TERF1: variants seen among roughly 807,000 people sequenced by gnomAD.
TERF1 encodes the protein telomeric repeat-binding factor 1.
In TERF1, 20 loss-of-function variants were observed where a neutral mutation model predicts 55.1. The ratio of observed to expected loss-of-function variants is 0.36; its 90% CI spans 0.26 to 0.53. The LOEUF (loss-of-function observed/expected upper bound fraction) is 0.53, where lower values mean the gene tolerates loss of function less well. Among genes scored for constraint, TERF1 ranks in the 20% least tolerant of loss-of-function variants. The probability of loss-of-function intolerance (pLI) is 0.91; values close to 1 mark genes in which losing one functional copy is unlikely to be tolerated. For missense variants in TERF1, 439 were observed against 535.7 expected (o/e 0.82, Z 1.78); for synonymous variants, 168 against 181.2 (o/e 0.93, Z 0.59).
At chr8:73,037,642 TAA>T (rs1338782026) in intron 8 of TERF1, among the ~76,000 whole-genome samples, 1 of 82,794 alleles carries the variant, frequency 1.2e-5, no homozygotes, top group African/African-American at 5.4e-5. Context: ...ATAACATATA[TAA>T]TATATATTAT....
intron 9 of TERF1, among the ~76,000 whole-genome samples, chr8:73,044,549 A>G (rs1349665410): frequency 6.6e-6 from 1 of 152,168 alleles, no homozygotes; most frequent in African/African-American, 2.4e-5. Flanking sequence ...TAAAGTACAC[A>G]TGATATAAAA....
intron 6 of TERF1, among the ~76,000 whole-genome samples, chr8:73,028,012 T>C (rs1288188011): frequency 6.6e-6 from 1 of 152,228 alleles, no homozygotes; most frequent in Non-Finnish European, 1.5e-5. Context: ...CACATTGATG[T>C]ACTTTTTTCT....
At chr8:73,020,617 A>C in intron 2 of TERF1, 67 bp from the exon 3 acceptor site, 1 of 1,398,108 alleles carries the variant, frequency 7.2e-7, no homozygotes. Context: ...AAAGGAATGC[A>C]TTATTAAAAA....
intron 6 of TERF1, among the ~76,000 whole-genome samples, chr8:73,028,224 C>T (rs1278202843): frequency 6.6e-6 from 1 of 152,024 alleles, no homozygotes; most frequent in African/African-American, 2.4e-5. Context: ...ATAGTGCTAC[C>T]CACTTATTTC....
intron 8 of TERF1, among the ~76,000 whole-genome samples, chr8:73,037,225 TATA>T (rs1461308553): frequency 5.9e-5 from 8 of 136,126 alleles, no homozygotes; most frequent in South Asian, 2.1e-4. Context: ...ATAATTATAA[TATA>T]ATAATTTATA....
intron 2 of TERF1, among the ~76,000 whole-genome samples, chr8:73,017,878 T>C (rs1403045324): frequency 2.6e-5 from 4 of 152,074 alleles, no homozygotes. Flanking sequence ...AATTTTTCTA[T>C]TATTAGTAGA....
At chr8:73,039,050 A>C in intron 8 of TERF1, 66 bp from the exon 9 acceptor site, 1 of 1,097,890 alleles carries the variant, frequency 9.1e-7, no homozygotes, top group Non-Finnish European at 1.3e-6. Flanking sequence ...ATAATCATTA[A>C]AAATATAATT....
intron 8 of TERF1, among the ~76,000 whole-genome samples, chr8:73,037,819 TAATATATAGTATAATAA>T (rs2129889031): frequency 9.6e-6 from 1 of 104,028 alleles, no homozygotes; most frequent in South Asian, 2.3e-4. Context: ...ATATTATATA[TAATATATAGTATAATAA>T]TATATATAAT....
intron 7 of TERF1, chr8:73,031,808 CA>C: frequency 3.1e-6 from 1 of 319,692 alleles, no homozygotes. Context: ...TCTGAGACAT[CA>C]AAAAACATCT....
At chr8:73,022,881 A>G (rs978665239) in intron 4 of TERF1, among the ~76,000 whole-genome samples, 3 of 152,184 alleles carry the variant, frequency 2.0e-5, no homozygotes, top group Non-Finnish European at 2.9e-5. Flanking sequence ...GCAGTGAGCT[A>G]TAACGCTGCC....
At chr8:73,045,414 G>T (rs1367403002) in intron 9 of TERF1, among the ~76,000 whole-genome samples, 1 of 152,094 alleles carries the variant, frequency 6.6e-6, no homozygotes, top group Non-Finnish European at 1.5e-5. Flanking sequence ...TATTAAATTT[G>T]ATTTTTAAAA....
Position 73,046,399 on chromosome 8 carries a change from A to G in TERF1, c.*262A>G, listed in dbSNP as rs938494477. The G allele has an allele frequency of 2.0e-5, 5 of 250,100 alleles. No individual in the cohort carries two copies. The highest frequency in any genetic ancestry group is 1.5e-4 in the East Asian group (2 of 13,098). 15.5% of individuals were successfully genotyped at this position (250,100 alleles called of 1,614,324 possible). A position where few individuals can be genotyped will look rare whatever the true frequency, so the allele number is the denominator to read the frequency against. On this transcript the variant is annotated 3_prime_UTR_variant, in exon 10 of 10. Coordinates refer to ENST00000276603, the MANE Select transcript of TERF1 (RefSeq NM_017489.3). ...ATCCCCACCCCCAAATCCTGTTCCA[A>G]TGAAAAAATTAAAACCTGATACGAA... is the stretch of plus-strand genomic sequence containing the variant.
At chr8:73,027,477 A>G (rs1809063227) in intron 6 of TERF1, among the ~76,000 whole-genome samples, 1 of 152,238 alleles carries the variant, frequency 6.6e-6, no homozygotes, top group South Asian at 2.1e-4. Flanking sequence ...AACTGAAGAA[A>G]TAGTGATTTG....
At position 73,046,302 on chromosome 8, in the gene TERF1, A is replaced by G. The variant is rs564717669; in HGVS notation, c.*165A>G. On this transcript the variant is annotated 3_prime_UTR_variant, in exon 10 of 10. Coordinates refer to ENST00000276603, the MANE Select transcript of TERF1 (RefSeq NM_017489.3). ...GTTTGTGCTACCAGAGTTAAAGCATATGCTATCATTGTATTCTTTAAGAAC... is the reference window on the plus strand; with the variant it reads ...GTTTGTGCTACCAGAGTTAAAGCATGTGCTATCATTGTATTCTTTAAGAAC... 1.7e-4 allele frequency: 81 copies of G among 477,778 alleles called. 1 individual carries two copies. In the South Asian group the frequency reaches 4.3e-3, roughly 25 times the overall value. The allele number at this position is 477,778 out of a possible 1,614,324, so 29.6% of individuals were successfully genotyped here. A position where few individuals can be genotyped will look rare whatever the true frequency, so the allele number is the denominator to read the frequency against.
rs1330282149 is a variant in TERF1 at position 73,046,780 on chromosome 8, C to G, written c.*643C>G. 1.3e-5 allele frequency: 2 copies of G among 152,146 alleles called. No individual in the cohort carries two copies. Among genetic ancestry groups the G allele is most frequent in the Non-Finnish European group, 2.9e-5 (2 of 68,026 alleles). 9.4% of individuals were successfully genotyped at this position (152,146 alleles called of 1,614,324 possible). On this transcript the variant is annotated 3_prime_UTR_variant, in exon 10 of 10. Transcript: ENST00000276603. ...AAGTGCTGAGATTACAGACGTGAGC[C>G]ACTGCGTCCTGCCTAAAATGAATTT...
chr8:73,022,986 C>T (rs1225234402), intron 4 of TERF1, among the ~76,000 whole-genome samples: 1 of 152,076 alleles, frequency 6.6e-6, no homozygotes, highest in African/African-American at 2.4e-5. Context: ...ATATGTACAT[C>T]CTCCTGTATA....
intron 2 of TERF1, 22 bp from the exon 3 acceptor site, chr8:73,020,662 A>T: frequency 6.4e-7 from 1 of 1,571,564 alleles, no homozygotes; most frequent in South Asian, 1.2e-5. Flanking sequence ...TGAGTTACTT[A>T]TTTTTGTTCT....
At chr8:73,044,830 G>A (rs528883246) in intron 9 of TERF1, among the ~76,000 whole-genome samples, 92 of 151,942 alleles carry the variant, frequency 6.1e-4, no homozygotes, top group Non-Finnish European at 1.2e-3. Context: ...ATGTCCTCAA[G>A]GTTTATCCAT....
At chr8:73,019,078 C>G (rs1039744384) in intron 2 of TERF1, 3 of 152,138 alleles carry the variant, frequency 2.0e-5, no homozygotes, top group Non-Finnish European at 4.4e-5. Context: ...AGGACATTTC[C>G]TAGTCTCTTA....
Sources: allele counts gnomAD v4.1 joint callset (sites outside exome capture counted in the v4.1 genomes callset), GRCh38; gene constraint gnomAD v4.1.1; transcripts MANE v1.5; gene names NCBI Gene and HGNC (gene_info 2026-07-23, HGNC 2026-07-21).